Variants in STK32A observed in about 807,000 individuals in gnomAD.
The protein encoded by STK32A is serine/threonine-protein kinase 32A.
Under a neutral mutation model 53.2 loss-of-function variants are expected in STK32A, and 41 were observed. The ratio of observed to expected loss-of-function variants is 0.77; its 90% confidence interval spans 0.60 to 1.00. The LOEUF is 1.00. Among genes scored for constraint, STK32A ranks in the 50% least tolerant of loss-of-function variants. The probability of loss-of-function intolerance (pLI) is 0.00; values close to 1 mark genes in which losing one functional copy is unlikely to be tolerated. For synonymous variants in STK32A, 166 were observed against 162.8 expected, an observed-to-expected ratio of 1.02 and a Z score of -0.15; for missense variants, 458 against 485.8, an observed-to-expected ratio of 0.94 and a Z score of 0.54.
At chr5:147,257,756 G>C (rs1452865716) in intron 2 of STK32A, among the ~76,000 whole-genome samples, 1 of 152,084 alleles carries the variant, frequency 6.6e-6, no homozygotes, top group African/African-American at 2.4e-5. Flanking sequence ...TGATCTTCAG[G>C]CTGGTGTTGG....
chr5:147,280,922 C>T (rs1312230838), intron 4 of STK32A, among the ~76,000 whole-genome samples: 2 of 152,210 alleles, frequency 1.3e-5, no homozygotes, highest in Non-Finnish European at 2.9e-5. Context: ...GCACTGGTAT[C>T]CACAGCTGAG....
chr5:147,324,485 T>C (rs1754482157), intron 5 of STK32A, among the ~76,000 whole-genome samples: 1 of 152,214 alleles, frequency 6.6e-6, no homozygotes, highest in Admixed American at 6.5e-5. Flanking sequence ...TCCTGCAGTC[T>C]ATATTAAATT....
At chr5:147,250,900 T>C (rs11167967) in intron 2 of STK32A, among the ~76,000 whole-genome samples, 35,769 of 141,606 alleles carry the variant, frequency 0.25, 4,395 homozygotes, top group Admixed American at 0.32. Context: ...CGAGATGGTG[T>C]CACTGCACTC....
chr5:147,336,058 T>G (rs1356614888), intron 5 of STK32A, among the ~76,000 whole-genome samples: 2 of 152,194 alleles, frequency 1.3e-5, no homozygotes, highest in East Asian at 1.9e-4. Flanking sequence ...TCCCTGGGGT[T>G]GGATAGGACC....
At chr5:147,254,723 CT>C (rs1754149226) in intron 2 of STK32A, among the ~76,000 whole-genome samples, 1 of 152,108 alleles carries the variant, frequency 6.6e-6, no homozygotes, top group Non-Finnish European at 1.5e-5. Context: ...GGGGTGAGGG[CT>C]TTGGCAGAGT....
intron 4 of STK32A, among the ~76,000 whole-genome samples, chr5:147,303,601 C>T (rs1581064016): frequency 1.3e-5 from 2 of 152,272 alleles, no homozygotes; most frequent in South Asian, 4.1e-4. Flanking sequence ...AAAAGCCAGG[C>T]AGAGATATTA....
At chr5:147,390,879 G>A (rs1757778822), downstream of STK32A, 1 of 152,564 alleles carries the variant, frequency 6.6e-6, no homozygotes, top group African/African-American at 2.4e-5. Context: ...TTTCTTTAAT[G>A]TCAGCTAAAC....
the STK32A span, chr5:147,400,857 A>G: frequency 5.6e-6 from 9 of 1,610,904 alleles, no homozygotes; most frequent in African/African-American, 8.0e-5. Context: ...AAAGCTCCAC[A>G]TGAACAGGGG....
rs189292632 is a variant in STK32A at position 147,386,710 on chromosome 5, T to A, written c.*2727T>A. 2 of 152,220 alleles carry A rather than the reference T, an allele frequency of 1.3e-5. No individual in the cohort carries two copies. The highest frequency in any genetic ancestry group is 1.9e-4 in the East Asian group (1 of 5,196). 9.4% of individuals were successfully genotyped at this position (152,220 alleles called of 1,614,324 possible). On this transcript the variant is annotated 3_prime_UTR_variant, in exon 13 of 13. Transcript: ENST00000397936. ...GAGAGCACAGGCTCAGAGAGTAAGATGGATTTCTAGTGCTAGCCAGGTGAA... is the reference window on the plus strand; with the variant it reads ...GAGAGCACAGGCTCAGAGAGTAAGAAGGATTTCTAGTGCTAGCCAGGTGAA...
intron 2 of STK32A, among the ~76,000 whole-genome samples, chr5:147,259,364 G>A (rs13171515): frequency 0.089 from 13,568 of 151,754 alleles, 786 homozygotes; most frequent in Middle Eastern, 0.18. Flanking sequence ...GAATGTATTC[G>A]GGCCATCCGC....
At chr5:147,245,429 T>G (rs1187986347) in intron 2 of STK32A, among the ~76,000 whole-genome samples, 4 of 152,350 alleles carry the variant, frequency 2.6e-5, no homozygotes, top group African/African-American at 9.6e-5. Context: ...AAAATCTACT[T>G]TATTTTCTCT....
chr5:147,272,390 A>T (rs965921828), intron 2 of STK32A, among the ~76,000 whole-genome samples: 3 of 152,210 alleles, frequency 2.0e-5, no homozygotes, highest in African/African-American at 7.2e-5. Flanking sequence ...ACAGATAATT[A>T]AACCATCTTT....
downstream of STK32A, among the ~76,000 whole-genome samples, chr5:147,390,139 G>A (rs2152011673): frequency 6.6e-6 from 1 of 152,258 alleles, no homozygotes; most frequent in African/African-American, 2.4e-5. Flanking sequence ...CCCTCAAAAG[G>A]GTGTAGTATA....
intron 2 of STK32A, among the ~76,000 whole-genome samples, chr5:147,244,701 C>T (rs7735344): frequency 0.41 from 62,502 of 151,992 alleles, 12,982 homozygotes; most frequent in Admixed American, 0.45. Flanking sequence ...AGTCTCCAAA[C>T]CTAAATAATT....
At chr5:147,356,423 A>C (rs1377928878) in intron 7 of STK32A, among the ~76,000 whole-genome samples, 3 of 152,178 alleles carry the variant, frequency 2.0e-5, no homozygotes, top group Non-Finnish European at 4.4e-5. Flanking sequence ...TACTATTGTT[A>C]TAGTATATAT....
intron 7 of STK32A, among the ~76,000 whole-genome samples, chr5:147,354,436 C>A (rs1256560826): frequency 7.2e-5 from 11 of 152,124 alleles, no homozygotes. Flanking sequence ...AGTACAATAT[C>A]TGTATAATGT....
chr5:147,399,405 G>A, the STK32A span, among the ~76,000 whole-genome samples: 1 of 152,212 alleles, frequency 6.6e-6, no homozygotes, highest in Non-Finnish European at 1.5e-5. Context: ...CACTCAGCAA[G>A]CTCGAATTAG....
chr5:147,379,526 T>A (rs1000466800), intron 11 of STK32A, among the ~76,000 whole-genome samples: 1 of 152,126 alleles, frequency 6.6e-6, no homozygotes, highest in African/African-American at 2.4e-5. Context: ...GATGCTTTAC[T>A]TTCCATTGCA....
intron 2 of STK32A, among the ~76,000 whole-genome samples, chr5:147,258,680 C>T (rs967251140): frequency 1.2e-5 from 1 of 82,278 alleles, no homozygotes; most frequent in Non-Finnish European, 2.3e-5. Context: ...ATAAATTCTC[C>T]CTCTCCTTTT....
Sources: allele counts gnomAD v4.1 joint callset (sites outside exome capture counted in the v4.1 genomes callset), GRCh38; gene constraint gnomAD v4.1.1; transcripts MANE v1.5; gene names NCBI Gene and HGNC (gene_info 2026-07-23, HGNC 2026-07-21).